Variants in TRPM3 observed in about 807,000 individuals in gnomAD.
The protein encoded by TRPM3 is transient receptor potential cation channel subfamily M member 3.
A neutral mutation model predicts 181.2 loss-of-function variants in TRPM3; 77 were observed. The observed-to-expected ratio is 0.42, with a 90% confidence interval of 0.35 to 0.51. The LOEUF (loss-of-function observed/expected upper bound fraction) is 0.51. TRPM3 is among the 20% of genes least tolerant of loss of function. The pLI is 0.01. For missense variants in TRPM3, 1,759 were observed against 2,196.7 expected (o/e 0.80, Z 3.98); for synonymous variants, 745 against 796.4 (o/e 0.94, Z 1.09).
chr9:70,626,448 C>T (rs561646181), intron 12 of TRPM3, among the ~76,000 whole-genome samples: 61 of 152,234 alleles, frequency 4.0e-4, no homozygotes, highest in Middle Eastern at 6.8e-3. Flanking sequence ...AATGAAGGAC[C>T]CACCCAGGAT....
chr9:71,361,234 A>T (rs2092132070), intron 1 of TRPM3, among the ~76,000 whole-genome samples: 1 of 152,092 alleles, frequency 6.6e-6, no homozygotes, highest in African/African-American at 2.4e-5. Flanking sequence ...TGATCCGCCC[A>T]CCTCAGCCTC....
chr9:71,444,875 T>C lies in TRPM3; in HGVS notation c.183+1778A>G, dbSNP rs543401019. Among the ~76,000 whole-genome samples, 58 of 152,346 alleles carry C rather than the reference T, an allele frequency of 3.8e-4. 1 individual carries two copies. The highest frequency in any genetic ancestry group is 1.3e-3 in the African/African-American group (55 of 41,582). ...AATTATAGCTAGAAGCACTTATTAT[T>C]AGGGTTTTAGAAGAAAATCAATATC... On this transcript the variant is annotated intron_variant, in intron 1 of 24. Transcript: ENST00000357533.
At chr9:70,853,715 G>T (rs1202027726) in intron 3 of TRPM3, among the ~76,000 whole-genome samples, 1 of 152,202 alleles carries the variant, frequency 6.6e-6, no homozygotes, top group African/African-American at 2.4e-5. Context: ...CTAGAATCAT[G>T]CAAGTAGCAC....
intron 1 of TRPM3, among the ~76,000 whole-genome samples, chr9:70,967,238 C>A (rs1460848665): frequency 6.6e-6 from 1 of 152,066 alleles, no homozygotes; most frequent in East Asian, 1.9e-4. Flanking sequence ...GTCCCAGTTC[C>A]TTGGGGACAG....
intron 1 of TRPM3, among the ~76,000 whole-genome samples, chr9:70,974,573 C>CA (rs1331436750): frequency 1.4e-5 from 2 of 145,710 alleles, no homozygotes; most frequent in African/African-American, 2.5e-5. Flanking sequence ...CAAACAAATA[C>CA]AAAAAATTAG....
chr9:70,570,645 C>A (rs1209424884), intron 22 of TRPM3, among the ~76,000 whole-genome samples: 1 of 152,092 alleles, frequency 6.6e-6, no homozygotes, highest in South Asian at 2.1e-4. Context: ...TGCTGGTGAG[C>A]AATATTCACT....
intron 6 of TRPM3, among the ~76,000 whole-genome samples, chr9:70,807,939 T>C (rs1213410336): frequency 1.3e-5 from 2 of 152,010 alleles, no homozygotes; most frequent in African/African-American, 4.8e-5. Flanking sequence ...GGCCAGGTAG[T>C]TAGAGTGAGA....
intron 7 of TRPM3, among the ~76,000 whole-genome samples, chr9:70,764,833 A>G (rs1271228374): frequency 6.6e-6 from 1 of 152,162 alleles, no homozygotes; most frequent in Non-Finnish European, 1.5e-5. Flanking sequence ...CAAGAAGAAA[A>G]TCTGATTTTT....
chr9:70,760,473 C>T (rs2077914863), intron 8 of TRPM3, among the ~76,000 whole-genome samples: 1 of 149,194 alleles, frequency 6.7e-6, no homozygotes, highest in African/African-American at 2.5e-5. Context: ...CCTGGAATGA[C>T]AGCAGCCATG....
intron 8 of TRPM3, among the ~76,000 whole-genome samples, chr9:70,742,254 A>G (rs2074283856): frequency 1.3e-5 from 2 of 152,072 alleles, no homozygotes; most frequent in African/African-American, 4.8e-5. Flanking sequence ...AATCATGATT[A>G]TTTACCTTTC....
rs41310049 is a variant in TRPM3 at position 70,791,563 on chromosome 9, T to C, written c.974-7284A>G. Among the ~76,000 whole-genome samples the C allele has an allele frequency of 3.0e-4, 45 of 152,342 alleles. No individual in the cohort carries two copies. The Middle Eastern group carries it at 0.017, about 58-fold the overall frequency. ...TAGTTAACTTAATGAACCCCCTCTA[T>C]GTACAATCTTTTCATATTTAAAGCT... On this transcript the variant is annotated intron_variant, in intron 6 of 25. Coordinates refer to ENST00000677713, the MANE Select transcript of TRPM3 (RefSeq NM_001366145.2).
chr9:71,010,562 T>C (rs543711390), intron 1 of TRPM3, among the ~76,000 whole-genome samples: 1 of 152,130 alleles, frequency 6.6e-6, no homozygotes, highest in East Asian at 1.9e-4. Context: ...ATCACAGCCA[T>C]AATGAGATAG....
At chr9:71,364,338 TATG>T (rs1364337626) in intron 1 of TRPM3, among the ~76,000 whole-genome samples, 1 of 152,168 alleles carries the variant, frequency 6.6e-6, no homozygotes, top group Admixed American at 6.5e-5. Flanking sequence ...TCAAAGATAA[TATG>T]AGACACATGC....
intron 1 of TRPM3, among the ~76,000 whole-genome samples, chr9:70,952,950 A>C (rs1263859785): frequency 1.3e-5 from 2 of 152,216 alleles, no homozygotes; most frequent in Non-Finnish European, 2.9e-5. Flanking sequence ...AGCTATGCCA[A>C]ATATTGAGAA....
chr9:71,060,161 T>A (rs2061149121), intron 1 of TRPM3, among the ~76,000 whole-genome samples: 1 of 152,094 alleles, frequency 6.6e-6, no homozygotes, highest in African/African-American at 2.4e-5. Context: ...TTGCTAATCA[T>A]CACAGCTGAA....
chr9:70,980,962 TACATATGTAC>T (rs1329106649), intron 1 of TRPM3, among the ~76,000 whole-genome samples: 1 of 152,246 alleles, frequency 6.6e-6, no homozygotes, highest in African/African-American at 2.4e-5. Context: ...GCAATTCCGA[TACATATGTAC>T]ACATGCATGT....
intron 1 of TRPM3, among the ~76,000 whole-genome samples, chr9:71,342,565 T>C (rs916294765): frequency 6.6e-6 from 1 of 152,008 alleles, no homozygotes; most frequent in Non-Finnish European, 1.5e-5. Flanking sequence ...AAATAATACA[T>C]ATCCAAGTGC....
At chr9:71,341,574 T>C (rs905478140) in intron 1 of TRPM3, among the ~76,000 whole-genome samples, 2 of 151,664 alleles carry the variant, frequency 1.3e-5, no homozygotes, top group Non-Finnish European at 2.9e-5. Context: ...AACTCAAGGA[T>C]ATATATTGAA....
chr9:70,959,960 A>G (rs2097121004), intron 1 of TRPM3, among the ~76,000 whole-genome samples: 1 of 152,174 alleles, frequency 6.6e-6, no homozygotes, highest in African/African-American at 2.4e-5. Context: ...TACTGATGAT[A>G]AGACCCCCAA....
Sources: gnomAD v4.1 joint callset for allele counts (sites outside exome capture counted in the v4.1 genomes callset) on GRCh38, gnomAD v4.1.1 for gene constraint, MANE v1.5 for transcripts, NCBI Gene and HGNC (gene_info 2026-07-23, HGNC 2026-07-21) for gene names.